Variants in ZNF804B observed in about 807,000 individuals in gnomAD.
The protein encoded by ZNF804B is zinc finger 804B.
Under a neutral mutation model 101.4 loss-of-function variants are expected in ZNF804B, and 80 were observed. That is an observed-to-expected ratio of 0.79 (90% CI 0.66 to 0.95). The LOEUF is 0.95. Among genes scored for constraint, ZNF804B ranks in the 40% least tolerant of loss-of-function variants. The pLI, the probability that ZNF804B is intolerant of heterozygous loss-of-function variation, is 0.00. For synonymous variants in ZNF804B, 622 were observed against 558.8 expected, an observed-to-expected ratio of 1.11 and a Z score of -1.59; for missense variants, 1,673 against 1,561.9, an observed-to-expected ratio of 1.07 and a Z score of -1.20.
chr7:88,908,573 TGAGA>T (rs986929246), intron 1 of ZNF804B, among the ~76,000 whole-genome samples: 4 of 151,844 alleles, frequency 2.6e-5, no homozygotes, highest in Non-Finnish European at 5.9e-5. Flanking sequence ...TGCAAGAACT[TGAGA>T]GAATCTTCCC....
At chr7:89,262,049 C>T (rs1292634490) in intron 2 of ZNF804B, among the ~76,000 whole-genome samples, 1 of 152,122 alleles carries the variant, frequency 6.6e-6, no homozygotes, top group Non-Finnish European at 1.5e-5. Flanking sequence ...CCTTAATGAA[C>T]TCTAATTTTA....
rs749591046 is a variant in ZNF804B, at chr7:89,251,128, A to G, written c.249+32833A>G. On this transcript the variant is annotated intron_variant, in intron 2 of 3. Coordinates refer to ENST00000333190, the MANE Select transcript of ZNF804B (RefSeq NM_181646.5). ...AAGATAAAGAAATAAAAGGCATCCA[A>G]AGAAGTAAAGAAGAAGTCAAACCAT... Among the ~76,000 whole-genome samples the G allele has an allele frequency of 7.9e-5, 12 of 152,194 alleles. 1 individual carries two copies. The highest frequency in any genetic ancestry group is 1.3e-4 in the Non-Finnish European group (9 of 68,018).
chr7:89,055,785 T>C (rs575106768), intron 1 of ZNF804B, among the ~76,000 whole-genome samples: 2 of 152,000 alleles, frequency 1.3e-5, no homozygotes, highest in East Asian at 1.9e-4. Flanking sequence ...AAAAAATCAA[T>C]CAGAAAAAGG....
intron 1 of ZNF804B, among the ~76,000 whole-genome samples, chr7:89,172,852 C>G (rs1443328801): frequency 1.3e-5 from 2 of 152,114 alleles, no homozygotes; most frequent in African/African-American, 4.8e-5. Flanking sequence ...TTTTGATCCA[C>G]TAGTAGTGTA....
intron 1 of ZNF804B, among the ~76,000 whole-genome samples, chr7:88,953,509 C>T (rs1366581790): frequency 6.6e-6 from 1 of 151,656 alleles, no homozygotes; most frequent in Non-Finnish European, 1.5e-5. Context: ...CTGTCACGTT[C>T]CCCCAACCTC....
At chr7:89,220,177 G>GCGGA (rs373110832) in intron 2 of ZNF804B, among the ~76,000 whole-genome samples, 2 of 31,838 alleles carry the variant, frequency 6.3e-5, no homozygotes, top group African/African-American at 2.8e-4. Flanking sequence ...ATATATATGT[G>GCGGA]TGTATATATA....
intron 1 of ZNF804B, among the ~76,000 whole-genome samples, chr7:89,142,357 A>G (rs895509985): frequency 6.6e-6 from 1 of 151,820 alleles, no homozygotes; most frequent in Non-Finnish European, 1.5e-5. Context: ...AAATTTCTCA[A>G]AGCACTCTTA....
intron 1 of ZNF804B, among the ~76,000 whole-genome samples, chr7:88,763,151 T>G: frequency 6.6e-6 from 1 of 152,278 alleles, no homozygotes; most frequent in East Asian, 1.9e-4. Flanking sequence ...ATAGGTAAAG[T>G]AGTTGTGTAC....
chr7:88,764,971 C>T (rs946917347), intron 1 of ZNF804B, among the ~76,000 whole-genome samples: 13 of 152,046 alleles, frequency 8.6e-5, no homozygotes, highest in Non-Finnish European at 4.4e-5. Flanking sequence ...TATAAAGCAA[C>T]CTCCTTTCTT....
At chr7:88,905,916 TTGA>T (rs1792463855) in intron 1 of ZNF804B, among the ~76,000 whole-genome samples, 2 of 136,590 alleles carry the variant, frequency 1.5e-5, no homozygotes, top group African/African-American at 5.5e-5. Context: ...TTTTTTGGGG[TTGA>T]TAGTTTTTTT....
chr7:89,147,447 CA>C (rs1241177086), intron 1 of ZNF804B, among the ~76,000 whole-genome samples: 1 of 151,990 alleles, frequency 6.6e-6, no homozygotes, highest in African/African-American at 2.4e-5. Context: ...ATCAAGGTGT[CA>C]AAATTGTTTT....
At chr7:88,992,884 T>C (rs1793866411) in intron 1 of ZNF804B, among the ~76,000 whole-genome samples, 1 of 152,028 alleles carries the variant, frequency 6.6e-6, no homozygotes. Context: ...ATAGTCCTTC[T>C]CAGAGTTCAC....
At chr7:89,183,993 GCAAA>G (rs2115591469) in intron 1 of ZNF804B, among the ~76,000 whole-genome samples, 1 of 152,204 alleles carries the variant, frequency 6.6e-6, no homozygotes, top group East Asian at 1.9e-4. Flanking sequence ...CAGTAAACAG[GCAAA>G]CAGCTTCTTG....
chr7:89,012,597 C>T (rs1009978080), intron 1 of ZNF804B, among the ~76,000 whole-genome samples: 2 of 152,158 alleles, frequency 1.3e-5, no homozygotes, highest in African/African-American at 4.8e-5. Flanking sequence ...CCAAGAAGTT[C>T]CTCATTGTCT....
At position 88,845,701 on chromosome 7, in the gene ZNF804B, G is replaced by T. The variant is rs1431437289; in HGVS notation, c.108+85617G>T. ...AAATCTTAATTATCCTTCAAAAGCAGAATACAAGTCACCTCATCTCTAAAA... is the reference window on the plus strand; with the variant it reads ...AAATCTTAATTATCCTTCAAAAGCATAATACAAGTCACCTCATCTCTAAAA... On this transcript the variant is annotated intron_variant, in intron 1 of 3. Transcript: ENST00000333190. Among the ~76,000 whole-genome samples, 3 of 151,830 alleles carry T rather than the reference G, an allele frequency of 2.0e-5. No individual in the cohort carries two copies. In the East Asian group the frequency reaches 5.8e-4, roughly 29 times the overall value.
chr7:89,100,283 C>T (rs1158172245), intron 1 of ZNF804B, among the ~76,000 whole-genome samples: 1 of 152,052 alleles, frequency 6.6e-6, no homozygotes, highest in Non-Finnish European at 1.5e-5. Flanking sequence ...AAACTAGACC[C>T]ATATCACTTA....
intron 1 of ZNF804B, among the ~76,000 whole-genome samples, chr7:88,873,905 A>T (rs1329926399): frequency 1.2e-4 from 18 of 152,138 alleles, no homozygotes; most frequent in Non-Finnish European, 1.8e-4. Context: ...AGGTAGCATG[A>T]TGCCTCCAGC....
chr7:88,777,683 A>G (rs1005275343), intron 1 of ZNF804B, among the ~76,000 whole-genome samples: 1 of 151,976 alleles, frequency 6.6e-6, no homozygotes, highest in African/African-American at 2.4e-5. Flanking sequence ...CCCCATCTCT[A>G]CTAAAAATAT....
At position 88,775,166 on chromosome 7, in the gene ZNF804B, T is replaced by G. The variant is rs147631777; in HGVS notation, c.108+15082T>G. 1.9e-3 allele frequency among the ~76,000 whole-genome samples: 294 copies of G among 152,330 alleles called. 1 individual carries two copies. Among genetic ancestry groups the G allele is most frequent in the African/African-American group, 6.8e-3 (283 of 41,588 alleles). On this transcript the variant is annotated intron_variant, in intron 1 of 3. Transcript: ENST00000333190. ...ATTCTTGTGAAGATAAGTAACTGATTCTAAAGAAGAATAAACAGGGTGACC... is the reference window on the plus strand; with the variant it reads ...ATTCTTGTGAAGATAAGTAACTGATGCTAAAGAAGAATAAACAGGGTGACC...
Sources: gnomAD v4.1 joint callset for allele counts (sites outside exome capture counted in the v4.1 genomes callset) on GRCh38, gnomAD v4.1.1 for gene constraint, MANE v1.5 for transcripts, NCBI Gene and HGNC (gene_info 2026-07-23, HGNC 2026-07-21) for gene names.